MFSD2A: variants seen among roughly 807,000 people sequenced by gnomAD.
The protein encoded by MFSD2A is MFSD2 lysolipid transporter A, lysophospholipid, also known as sodium-dependent lysophosphatidylcholine symporter 1.
MFSD2A carries 27 observed loss-of-function variants against 64.7 expected under a neutral mutation model. That is an observed-to-expected ratio of 0.42 (90% CI 0.31 to 0.58). MFSD2A has a LOEUF of 0.58. MFSD2A is among the 20% of genes least tolerant of loss of function. The pLI, the probability that MFSD2A is intolerant of heterozygous loss-of-function variation, is 0.18. For synonymous variants in MFSD2A, 258 were observed against 273.4 expected (o/e 0.94, Z 0.55); for missense variants, 474 against 679.5 (o/e 0.70, Z 3.36).
Position 39,968,237 on chromosome 1 carries a change from C to T in MFSD2A, c.1209-97C>T. The T allele has an allele frequency of 1.4e-6, 2 of 1,451,482 alleles. No individual in the cohort carries two copies. The highest frequency in any genetic ancestry group is 9.6e-7 in the Non-Finnish European group (1 of 1,042,654). The allele number at this position is 1,451,482 out of a possible 1,614,324, so 89.9% of individuals were successfully genotyped here. A position where few individuals can be genotyped will look rare whatever the true frequency, so the allele number is the denominator to read the frequency against. ...TCCCATATCCTCACTGAGCTGTGTA[C>T]CCATGGTACTGCAAGCTTCCAGAGG... On this transcript the variant is annotated intron_variant, in intron 11 of 13. Transcript: ENST00000372811. This position sits in a 1 kb window ranked among gnomAD's most constrained non-coding sequence, Gnocchi z 4.4.
intron 11 of MFSD2A, 33 bp downstream of exon 11, chr1:39,967,949 C>A: frequency 7.3e-7 from 1 of 1,378,188 alleles, no homozygotes; most frequent in Non-Finnish European, 1.0e-6. Context: ...CCTCGGGTAT[C>A]TCCAGCCCCT....
At position 39,966,830 on chromosome 1, in the gene MFSD2A, G is replaced by T. The variant is rs1369675551; in HGVS notation, c.825G>T (p.Gln275His). The T allele has an allele frequency of 1.2e-6, 2 of 1,614,118 alleles. No individual in the cohort carries two copies. Among genetic ancestry groups the T allele is most frequent in the South Asian group, 2.2e-5 (2 of 91,088 alleles). Residue 275 changes from glutamine to histidine, a missense_variant, in exon 8 of 14, where the codon CAG becomes CAT. Gln to His is a conservative substitution (Grantham distance 24, BLOSUM62 0). Coordinates refer to ENST00000372811, the MANE Select transcript of MFSD2A (RefSeq NM_032793.5). Reference sequence around the variant, plus strand: ...CCCCAGAACCCTATGAAGCCCAGCAGTCTGAGCCAATCGCCTACTTCCGGG... The same window carrying T: ...CCCCAGAACCCTATGAAGCCCAGCATTCTGAGCCAATCGCCTACTTCCGGG... ...REQREPYEAQ[Q>H]SEPIAYFRGL...
Position 39,960,218 on chromosome 1 carries a change from C to G in MFSD2A, c.353+1393C>G, listed in dbSNP as rs1326441288. On this transcript the variant is annotated intron_variant, in intron 3 of 13. Coordinates refer to ENST00000372811, the MANE Select transcript of MFSD2A (RefSeq NM_032793.5). This position sits in a 1 kb window ranked among gnomAD's most constrained non-coding sequence, Gnocchi z 4.8. ...GGGGCTCTGGTTCCCTCCAGGACAT[C>G]CTGCTTCAGGGTGTGGGGGGGCATA... is the stretch of plus-strand genomic sequence containing the variant. 6.6e-6 allele frequency among the ~76,000 whole-genome samples: 1 copy of G among 152,220 alleles called. No individual in the cohort carries two copies. Among genetic ancestry groups the G allele is most frequent in the African/African-American group, 2.4e-5 (1 of 41,460 alleles).
Position 39,965,719 on chromosome 1 carries a change from T to A in MFSD2A, c.557-138T>A. ...GAGACCTGGAGAGGTGCATATGCGTTCAAACCAAGGTGTCACCTACCCCAC... is the reference window on the plus strand; with the variant it reads ...GAGACCTGGAGAGGTGCATATGCGTACAAACCAAGGTGTCACCTACCCCAC... On this transcript the variant is annotated intron_variant, in intron 5 of 13. Coordinates refer to ENST00000372811, the MANE Select transcript of MFSD2A (RefSeq NM_032793.5). The surrounding 1 kb of genome is among the most constrained non-coding windows in gnomAD (Gnocchi z 5.5). The A allele has an allele frequency of 1.6e-6, 2 of 1,267,372 alleles. No individual in the cohort carries two copies. Among genetic ancestry groups the A allele is most frequent in the Non-Finnish European group, 2.2e-6 (2 of 898,188 alleles). 78.5% of individuals were successfully genotyped at this position (1,267,372 alleles called of 1,614,324 possible).
intron 13 of MFSD2A, among the ~76,000 whole-genome samples, chr1:39,969,304 T>C (rs1039946075): frequency 2.5e-4 from 38 of 151,012 alleles, no homozygotes; most frequent in Admixed American, 2.2e-3. Flanking sequence ...AGTGTAGATC[T>C]AGGGTTTGCA....
In MFSD2A at chr1:39,966,165, G is replaced by T. The variant is rs895447112; in HGVS notation, c.714+151G>T. The T allele has an allele frequency of 4.2e-6, 4 of 941,772 alleles. No individual in the cohort carries two copies. The African/African-American group carries it at 6.7e-5, about 16-fold the overall frequency. 58.3% of individuals were successfully genotyped at this position (941,772 alleles called of 1,614,324 possible). ...TTAATGCACCCAATATACCTACTTT[G>T]CAGAAAAAGAAACTGAAGCTTAGAG... On this transcript the variant is annotated intron_variant, in intron 6 of 13. Transcript: ENST00000372811.
Position 39,960,993 on chromosome 1 carries a change from T to A in MFSD2A, c.353+2168T>A, listed in dbSNP as rs2124763929. On this transcript the variant is annotated intron_variant, in intron 3 of 13. Transcript: ENST00000372811. This position sits in a 1 kb window ranked among gnomAD's most constrained non-coding sequence, Gnocchi z 4.8. ...TCCCTGTCCAAACTTTTTTTCCTTT[T>A]TGTGGTGAATGGGGTCTGGCTATGT... Among the ~76,000 whole-genome samples the A allele has an allele frequency of 6.6e-6, 1 of 152,286 alleles. No homozygotes were observed. The highest frequency in any genetic ancestry group is 1.5e-5 in the Non-Finnish European group (1 of 68,014).
chr1:39,961,682 A>G (rs1645047857), intron 3 of MFSD2A, among the ~76,000 whole-genome samples: 3 of 151,404 alleles, frequency 2.0e-5, no homozygotes, highest in South Asian at 4.2e-4. Context: ...AAAAAACAAA[A>G]AAACACATAT....
Position 39,968,556 on chromosome 1 carries a change from C to A in MFSD2A, c.1353-13C>A. ...CCCATCTTCACCGTTCTCCTACCCCCTGGGTCCCATAGCTTTGCAGGGTAC... is the reference window on the plus strand; with the variant it reads ...CCCATCTTCACCGTTCTCCTACCCCATGGGTCCCATAGCTTTGCAGGGTAC... On this transcript the variant is annotated splice_polypyrimidine_tract_variant and intron_variant, in intron 12 of 13. Transcript: ENST00000372811. The surrounding 1 kb of genome is among the most constrained non-coding windows in gnomAD (Gnocchi z 4.4). The A allele has an allele frequency of 6.2e-7, 1 of 1,614,044 alleles. No individual in the cohort carries two copies. The highest frequency in any genetic ancestry group is 1.1e-5 in the South Asian group (1 of 91,090).
rs1645146082 is a variant in MFSD2A, at chr1:39,965,709, G to A, written c.557-148G>A. 3 of 1,186,868 alleles carry A rather than the reference G, an allele frequency of 2.5e-6. No homozygotes were observed. Among genetic ancestry groups the A allele is most frequent in the East Asian group, 2.4e-5 (1 of 41,660 alleles). 73.5% of individuals were successfully genotyped at this position (1,186,868 alleles called of 1,614,324 possible). A position where few individuals can be genotyped will look rare whatever the true frequency, so the allele number is the denominator to read the frequency against. ...TTGCTCAGATGAGACCTGGAGAGGT[G>A]CATATGCGTTCAAACCAAGGTGTCA... On this transcript the variant is annotated intron_variant, in intron 5 of 13. Coordinates refer to ENST00000372811, the MANE Select transcript of MFSD2A (RefSeq NM_032793.5). This position sits in a 1 kb window ranked among gnomAD's most constrained non-coding sequence, Gnocchi z 5.5.
At position 39,955,741 on chromosome 1, in the gene MFSD2A, G is replaced by C. The variant is rs894842851; in HGVS notation, c.93+356G>C. 2.0e-6 allele frequency: 1 copy of C among 509,068 alleles called. No individual in the cohort carries two copies. Among genetic ancestry groups the C allele is most frequent in the Non-Finnish European group, 3.8e-6 (1 of 264,854 alleles). 31.5% of individuals were successfully genotyped at this position (509,068 alleles called of 1,614,324 possible). The stretch of plus-strand genomic sequence containing the variant: ...CCAGAAATCTGGGAAACTCCCCTTG[G>C]TTCCCCATCTCTCATCCCCTACCTC... On this transcript the variant is annotated intron_variant, in intron 1 of 13. Transcript: ENST00000372811. This position sits in a 1 kb window ranked among gnomAD's most constrained non-coding sequence, Gnocchi z 5.9.
In MFSD2A at chr1:39,964,558, G is replaced by A. The variant is rs1331083634; in HGVS notation, c.354-653G>A. ...TTTTGATGGTGTGGAACTCACATGG[G>A]GAAGGCGGACATTTGCCCACCTGGG... On this transcript the variant is annotated intron_variant, in intron 3 of 13. Transcript: ENST00000372811. This position sits in a 1 kb window ranked among gnomAD's most constrained non-coding sequence, Gnocchi z 4.1. The A allele has an allele frequency of 6.5e-6, 1 of 152,692 alleles. No homozygotes were observed. The highest frequency in any genetic ancestry group is 1.5e-5 in the Non-Finnish European group (1 of 68,430). 9.5% of individuals were successfully genotyped at this position (152,692 alleles called of 1,614,324 possible).
rs1329718723 is a variant in MFSD2A, at chr1:39,963,623, GTT to G, written c.354-1582_354-1581del. Among the ~76,000 whole-genome samples the G allele has an allele frequency of 1.3e-5, 2 of 152,002 alleles. No individual in the cohort carries two copies. The highest frequency in any genetic ancestry group is 2.4e-5 in the African/African-American group (1 of 41,384). ...AGTGGCATTAAATACATTCACTTTG[GTT>G]TTTTTGTTTTTGTTTTTGGTACAGT... On this transcript the variant is annotated intron_variant, in intron 3 of 13. Coordinates refer to ENST00000372811, the MANE Select transcript of MFSD2A (RefSeq NM_032793.5). The surrounding 1 kb of genome is among the most constrained non-coding windows in gnomAD (Gnocchi z 4.2).
chr1:39,968,840 CCA>C lies in MFSD2A; in HGVS notation c.1529+100_1529+101del. On this transcript the variant is annotated intron_variant, in intron 13 of 13. Transcript: ENST00000372811. The surrounding 1 kb of genome is among the most constrained non-coding windows in gnomAD (Gnocchi z 4.4). ...CTGTGGCCAAGTCCAGACTCACCCC[CCA>C]CACATCTTCTCTGGACAGCTGTAAC... The C allele has an allele frequency of 3.0e-6, 4 of 1,347,398 alleles. No individual in the cohort carries two copies. Among genetic ancestry groups the C allele is most frequent in the Non-Finnish European group, 4.1e-6 (4 of 971,604 alleles). 83.5% of individuals were successfully genotyped at this position (1,347,398 alleles called of 1,614,324 possible). A position where few individuals can be genotyped will look rare whatever the true frequency, so the allele number is the denominator to read the frequency against.
rs1240850966 is a variant in MFSD2A at position 39,965,100 on chromosome 1, G to C, written c.354-111G>C. 6.9e-7 allele frequency: 1 copy of C among 1,445,838 alleles called. No homozygotes were observed. Among genetic ancestry groups the C allele is most frequent in the African/African-American group, 1.4e-5 (1 of 70,756 alleles). The allele number at this position is 1,445,838 out of a possible 1,614,324, so 89.6% of individuals were successfully genotyped here. On this transcript the variant is annotated intron_variant, in intron 3 of 13. Coordinates refer to ENST00000372811, the MANE Select transcript of MFSD2A (RefSeq NM_032793.5). This position sits in a 1 kb window ranked among gnomAD's most constrained non-coding sequence, Gnocchi z 5.5. Reference sequence around the variant, plus strand: ...TTTGGCAGGAGTATGGGGAAGGAAGGAAGAGCTTAGCTTCCTTCCCTGTGG... The same window carrying C: ...TTTGGCAGGAGTATGGGGAAGGAAGCAAGAGCTTAGCTTCCTTCCCTGTGG...
chr1:39,962,924 G>A (rs1468320417), intron 3 of MFSD2A: 33 of 1,574,398 alleles, frequency 2.1e-5, no homozygotes, highest in East Asian at 1.1e-4. Context: ...GGTTCAAGGC[G>A]TTTGTTGCTA....
Position 39,955,225 on chromosome 1 carries a change from G to A in MFSD2A, c.-68G>A. On this transcript the variant is annotated 5_prime_UTR_variant, in exon 1 of 14. Coordinates refer to ENST00000372811, the MANE Select transcript of MFSD2A (RefSeq NM_032793.5). This position sits in a 1 kb window ranked among gnomAD's most constrained non-coding sequence, Gnocchi z 5.9. ...AGGCTGCTACGAAGCGAGCTTGGGA[G>A]GAGCAGCGGCCTGCGGGGCAGAGGA... The A allele has an allele frequency of 7.9e-7, 1 of 1,273,342 alleles. No individual in the cohort carries two copies. Among genetic ancestry groups the A allele is most frequent in the South Asian group, 2.2e-5 (1 of 44,570 alleles). The allele number at this position is 1,273,342 out of a possible 1,614,324, so 78.9% of individuals were successfully genotyped here. A position where few individuals can be genotyped will look rare whatever the true frequency, so the allele number is the denominator to read the frequency against.
rs144105297 is a variant in MFSD2A, at chr1:39,967,857, T to C, written c.1149T>C (p.Ile383=). 48 of 1,613,898 alleles carry C rather than the reference T, an allele frequency of 3.0e-5. 1 individual carries two copies. In the African/African-American group the frequency reaches 5.6e-4, roughly 19 times the overall value. ...LVALMESNLI[I]TYAVAVAAGI... is the part of the protein sequence containing the mutation. ...CCCTCATGGAGAGTAACCTCATCAT[T>C]ACATATGCGGTAGCTGTGGCAGCTG... is the stretch of plus-strand genomic sequence containing the variant. The change falls in exon 11 of 14, where the codon ATT becomes ATC. Residue 383 remains isoleucine (I), a synonymous_variant. Coordinates refer to ENST00000372811, the MANE Select transcript of MFSD2A (RefSeq NM_032793.5).
Position 39,964,597 on chromosome 1 carries a change from C to G in MFSD2A, c.354-614C>G. The G allele has an allele frequency of 6.5e-6, 1 of 152,960 alleles. No individual in the cohort carries two copies. The allele number at this position is 152,960 out of a possible 1,614,324, so 9.5% of individuals were successfully genotyped here. A position where few individuals can be genotyped will look rare whatever the true frequency, so the allele number is the denominator to read the frequency against. On this transcript the variant is annotated intron_variant, in intron 3 of 13. Transcript: ENST00000372811. The surrounding 1 kb of genome is among the most constrained non-coding windows in gnomAD (Gnocchi z 4.1). ...TGCCCACCTGGGCCTTCAACTCCTT[C>G]ACTTGGAGCTGGCCTCTCCCCATCA...
Sources: allele counts gnomAD v4.1 joint callset (sites outside exome capture counted in the v4.1 genomes callset), GRCh38; gene constraint gnomAD v4.1.1; non-coding constraint Gnocchi (gnomAD v3.1); transcripts MANE v1.5; gene names NCBI Gene and HGNC (gene_info 2026-07-23, HGNC 2026-07-21).